The following RAB40C variants were observed in gnomAD, a reference collection of about 807,000 sequenced individuals.
The protein encoded by RAB40C is RAB40C, member RAS oncogene family.
A neutral mutation model predicts 28.1 loss-of-function variants in RAB40C; 8 were observed. That is an observed-to-expected ratio of 0.28 (90% CI 0.17 to 0.51). RAB40C has a LOEUF of 0.51. RAB40C is among the 20% of genes least tolerant of loss of function. RAB40C has a pLI of 0.97. For synonymous variants in RAB40C, 201 were observed against 171.7 expected (o/e 1.17, Z -1.34); for missense variants, 288 against 405.9 (o/e 0.71, Z 2.50).
At chr16:592,185 T>G (rs1450284003) in intron 1 of RAB40C, among the ~76,000 whole-genome samples, 2 of 152,174 alleles carry the variant, frequency 1.3e-5, no homozygotes, top group Admixed American at 6.5e-5. Context: ...CTCCCCTTGC[T>G]TTGTTTCTTG....
At chr16:597,064 G>A (rs2036143175) in intron 1 of RAB40C, among the ~76,000 whole-genome samples, 2 of 152,202 alleles carry the variant, frequency 1.3e-5, no homozygotes, top group African/African-American at 2.4e-5. Context: ...ACCAGGGCAC[G>A]ACCAGACACC....
At chr16:606,702 C>T (rs1289045856) in intron 1 of RAB40C, among the ~76,000 whole-genome samples, 2 of 152,226 alleles carry the variant, frequency 1.3e-5, no homozygotes, top group Non-Finnish European at 2.9e-5. Context: ...TTCTCCAGGC[C>T]GCCTGCGTTG....
At chr16:607,517 C>T (rs138695547) in intron 1 of RAB40C, among the ~76,000 whole-genome samples, 4 of 143,868 alleles carry the variant, frequency 2.8e-5, no homozygotes, top group South Asian at 2.2e-4. Context: ...AAAAAAAAAA[C>T]GGGGGGCCGG....
intron 1 of RAB40C, chr16:596,366 T>C (rs1015516927): frequency 2.2e-5 from 10 of 455,824 alleles, no homozygotes; most frequent in African/African-American, 1.6e-4. Flanking sequence ...AGCTGCCGCC[T>C]ACCCTGGTCT....
intron 3 of RAB40C, among the ~76,000 whole-genome samples, chr16:623,211 T>C (rs187394183): frequency 6.6e-6 from 1 of 152,302 alleles, no homozygotes; most frequent in East Asian, 1.9e-4. Context: ...TTTCTAGAGT[T>C]TTCAGTGTCA....
intron 3 of RAB40C, chr16:624,092 CCT>C (rs764930459): frequency 2.9e-4 from 287 of 985,328 alleles, no homozygotes; most frequent in Non-Finnish European, 3.3e-4. Flanking sequence ...TCAGCTGTCC[CCT>C]GAGGCTGGAC....
intron 3 of RAB40C, chr16:623,883 G>A: frequency 1.1e-6 from 1 of 882,104 alleles, no homozygotes; most frequent in Non-Finnish European, 1.4e-6. Context: ...AGTGAGCCAT[G>A]ATCGTGCCAC....
chr16:627,704 C>A lies in RAB40C; in HGVS notation c.*82C>A. The A allele has an allele frequency of 6.9e-7, 1 of 1,443,874 alleles. No homozygotes were observed. The allele number at this position is 1,443,874 out of a possible 1,614,324, so 89.4% of individuals were successfully genotyped here. ...TGGCTGGACGCCAGGCCAGTGCCGC[C>A]TACGTGGAGACTGTCCACACAGCTG... On this transcript the variant is annotated 3_prime_UTR_variant, in exon 6 of 6. Coordinates refer to ENST00000248139, the MANE Select transcript of RAB40C (RefSeq NM_021168.5).
chr16:624,199 G>C, intron 3 of RAB40C: 1 of 985,428 alleles, frequency 1.0e-6, no homozygotes, highest in Non-Finnish European at 1.2e-6. Flanking sequence ...GCGGGAGGTT[G>C]CCATGCGGGA....
intron 1 of RAB40C, among the ~76,000 whole-genome samples, chr16:603,326 C>T (rs982383947): frequency 1.3e-5 from 2 of 152,264 alleles, no homozygotes; most frequent in Non-Finnish European, 2.9e-5. Flanking sequence ...CCTTCCTTTA[C>T]TGTCCTCCAT....
chr16:602,925 T>C (rs1055475494), intron 1 of RAB40C, among the ~76,000 whole-genome samples: 7 of 152,104 alleles, frequency 4.6e-5, no homozygotes, highest in African/African-American at 1.7e-4. Flanking sequence ...CTAAGCTGGA[T>C]TTGTAATCAT....
intron 1 of RAB40C, among the ~76,000 whole-genome samples, chr16:602,366 C>T (rs547454409): frequency 2.3e-4 from 35 of 151,606 alleles, no homozygotes; most frequent in South Asian, 1.9e-3. Flanking sequence ...GTGATCCTCC[C>T]GCCTCAGCCT....
At chr16:622,820 T>A (rs781764780) in intron 3 of RAB40C, among the ~76,000 whole-genome samples, 117 of 152,290 alleles carry the variant, frequency 7.7e-4, no homozygotes, top group Non-Finnish European at 1.3e-3. Context: ...GCTAGTTTTT[T>A]AAAAATCAGA....
At chr16:620,934 T>A (rs1194998772) in intron 3 of RAB40C, among the ~76,000 whole-genome samples, 17 of 152,138 alleles carry the variant, frequency 1.1e-4, no homozygotes, top group African/African-American at 3.9e-4. Flanking sequence ...GCATGAGAAC[T>A]AAAAAAGAAA....
intron 3 of RAB40C, among the ~76,000 whole-genome samples, 191 bp downstream of exon 3, chr16:618,451 A>G (rs564033999): frequency 1.3e-5 from 2 of 152,338 alleles, no homozygotes; most frequent in South Asian, 4.1e-4. Flanking sequence ...GTACAGTGGC[A>G]CAGTCTCGGC....
intron 1 of RAB40C, among the ~76,000 whole-genome samples, chr16:595,297 T>C (rs2036090225): frequency 6.6e-6 from 1 of 152,170 alleles, no homozygotes; most frequent in Non-Finnish European, 1.5e-5. Context: ...CCACCCCCAC[T>C]GTGCAGACGA....
At chr16:621,839 A>G (rs1224357334) in intron 3 of RAB40C, among the ~76,000 whole-genome samples, 2 of 152,092 alleles carry the variant, frequency 1.3e-5, no homozygotes, top group Non-Finnish European at 2.9e-5. Context: ...AAAGGTGTGG[A>G]TTTGTTTCCC....
At chr16:617,646 AAGCCTGGCC>A (rs1320226332) in intron 2 of RAB40C, among the ~76,000 whole-genome samples, 5 of 152,184 alleles carry the variant, frequency 3.3e-5, no homozygotes, top group African/African-American at 1.2e-4. Context: ...AGTCCAAGAC[AAGCCTGGCC>A]AACATGGTGA....
At chr16:599,198 C>T (rs955647337) in intron 1 of RAB40C, among the ~76,000 whole-genome samples, 11 of 152,240 alleles carry the variant, frequency 7.2e-5, no homozygotes, top group African/African-American at 2.7e-4. Context: ...ACAGCCCAGG[C>T]CCCGGCCCCG....
Sources: allele counts gnomAD v4.1 joint callset (sites outside exome capture counted in the v4.1 genomes callset), GRCh38; gene constraint gnomAD v4.1.1; transcripts MANE v1.5; gene names NCBI Gene and HGNC (gene_info 2026-07-23, HGNC 2026-07-21).